The following SMYD3 variants were observed in gnomAD, a reference collection of about 807,000 sequenced individuals.
SMYD3 encodes histone-lysine N-methyltransferase SMYD3.
SMYD3 carries 36 observed loss-of-function variants against 57.7 expected under a neutral mutation model. That is an observed-to-expected ratio of 0.62 (90% CI 0.48 to 0.82). The LOEUF is 0.82. Ranked by LOEUF, SMYD3 falls within the 40% of genes least tolerant of loss-of-function variation. The pLI, the probability that SMYD3 is intolerant of heterozygous loss-of-function variation, is 0.00. For missense variants in SMYD3, 515 were observed against 538.8 expected, an observed-to-expected ratio of 0.96 and a Z score of 0.44; for synonymous variants, 211 against 195.0, an observed-to-expected ratio of 1.08 and a Z score of -0.68.
At chr1:246,112,399 AT>A (rs2061259676) in intron 5 of SMYD3, among the ~76,000 whole-genome samples, 1 of 152,228 alleles carries the variant, frequency 6.6e-6, no homozygotes, top group Non-Finnish European at 1.5e-5. Context: ...TTATAAATCG[AT>A]GTTAAAATTT....
At chr1:246,506,393 C>A (rs1412272056) in intron 1 of SMYD3, among the ~76,000 whole-genome samples, 3 of 152,212 alleles carry the variant, frequency 2.0e-5, no homozygotes. Flanking sequence ...AATGGCACAG[C>A]ACACGGGGGA....
chr1:245,894,404 G>C (rs903673068), intron 8 of SMYD3, among the ~76,000 whole-genome samples: 1 of 152,086 alleles, frequency 6.6e-6, no homozygotes, highest in Non-Finnish European at 1.5e-5. Flanking sequence ...CCAACCAGCA[G>C]CGGAAACCCG....
intron 5 of SMYD3, among the ~76,000 whole-genome samples, chr1:246,240,887 CTGTT>C (rs1439130856): frequency 2.0e-5 from 3 of 151,756 alleles, no homozygotes; most frequent in African/African-American, 7.3e-5. Context: ...ATTTGGCTCT[CTGTT>C]TGTCTGTTAT....
intron 1 of SMYD3, among the ~76,000 whole-genome samples, chr1:246,435,351 G>T (rs2067355449): frequency 6.6e-6 from 1 of 151,968 alleles, no homozygotes; most frequent in Non-Finnish European, 1.5e-5. Flanking sequence ...ATGTGTTTGT[G>T]ATTATCTGAA....
chr1:245,910,558 T>C (rs2054897277), intron 8 of SMYD3, among the ~76,000 whole-genome samples: 1 of 152,038 alleles, frequency 6.6e-6, no homozygotes, highest in South Asian at 2.1e-4. Flanking sequence ...AAAGTAAGCA[T>C]GGTACTAGCA....
intron 5 of SMYD3, among the ~76,000 whole-genome samples, chr1:246,171,853 C>T (rs1016535610): frequency 2.6e-5 from 4 of 152,038 alleles, no homozygotes; most frequent in African/African-American, 9.7e-5. Flanking sequence ...TCTAGAAAAA[C>T]TTAAAAAATT....
At position 246,355,116 on chromosome 1, in the gene SMYD3, C is replaced by G; in HGVS notation, c.165-22G>C. On this transcript the variant is annotated intron_variant, in intron 1 of 11. Transcript: ENST00000490107. The surrounding 1 kb of genome is among the most constrained non-coding windows in gnomAD (Gnocchi z 5.0). Reference sequence around the variant, plus strand: ...CTTCCTGTGGGGAAAAAAATTAATTCTGCATTAAGAAATGAGTGGGAAACA... The same window carrying G: ...CTTCCTGTGGGGAAAAAAATTAATTGTGCATTAAGAAATGAGTGGGAAACA... 6 of 1,612,758 alleles carry G rather than the reference C, an allele frequency of 3.7e-6. No homozygotes were observed. In the African/African-American group the frequency reaches 6.7e-5, roughly 18 times the overall value.
At chr1:245,904,265 T>G (rs2054398547) in intron 8 of SMYD3, among the ~76,000 whole-genome samples, 1 of 152,172 alleles carries the variant, frequency 6.6e-6, no homozygotes, top group Non-Finnish European at 1.5e-5. Flanking sequence ...GCTCTTCGTT[T>G]TCTCTCTCAT....
chr1:246,437,224 A>T (rs2067393695), intron 1 of SMYD3, among the ~76,000 whole-genome samples: 1 of 152,100 alleles, frequency 6.6e-6, no homozygotes, highest in African/African-American at 2.4e-5. Context: ...AGAGACAAAG[A>T]ATGCTTTCTC....
chr1:246,362,461 CTCCACGGTCTCCCTCTCCCTCTCTT>C (rs1205965267), intron 1 of SMYD3, among the ~76,000 whole-genome samples: 4 of 10,032 alleles, frequency 4.0e-4, no homozygotes, highest in African/African-American at 8.6e-4. Flanking sequence ...CCCTCTCCCT[CTCCACGGTCTCCCTCTCCCTCTCTT>C]TCCACGGTCT....
intron 5 of SMYD3, among the ~76,000 whole-genome samples, chr1:246,061,545 C>T (rs1256956331): frequency 6.6e-6 from 1 of 151,572 alleles, no homozygotes; most frequent in African/African-American, 2.4e-5. Context: ...CAGCAAGACG[C>T]CATCTCTACT....
chr1:245,836,248 C>T (rs763627784), intron 10 of SMYD3, among the ~76,000 whole-genome samples: 1 of 152,188 alleles, frequency 6.6e-6, no homozygotes, highest in Non-Finnish European at 1.5e-5. Context: ...TGCTATGATA[C>T]AGTCCAAGAC....
chr1:246,436,053 T>C (rs964770126), intron 1 of SMYD3, among the ~76,000 whole-genome samples: 2 of 152,130 alleles, frequency 1.3e-5, no homozygotes, highest in African/African-American at 4.8e-5. Flanking sequence ...GGTGGCAAGT[T>C]TTTTTAAAAT....
At chr1:246,482,496 T>A (rs909050768) in intron 1 of SMYD3, among the ~76,000 whole-genome samples, 7 of 152,152 alleles carry the variant, frequency 4.6e-5, no homozygotes, top group Admixed American at 3.3e-4. Flanking sequence ...AGCCACTCTG[T>A]CGCCTTTCCT....
rs546167070 is a variant in SMYD3, at chr1:246,455,556, A to T, written c.164+51498T>A. On this transcript the variant is annotated intron_variant, in intron 1 of 11. Coordinates refer to ENST00000490107, the MANE Select transcript of SMYD3 (RefSeq NM_001167740.2). The stretch of plus-strand genomic sequence containing the variant: ...AGCTTTAGGGACACTGAGCCTCCAA[A>T]TGCTATAGAAAAGCCAGATACTATA... Among the ~76,000 whole-genome samples, 68 of 152,336 alleles carry T rather than the reference A, an allele frequency of 4.5e-4. No individual in the cohort carries two copies. In the South Asian group the frequency reaches 0.014, roughly 31 times the overall value.
intron 2 of SMYD3, among the ~76,000 whole-genome samples, chr1:246,342,714 A>T (rs1351219247): frequency 6.6e-6 from 1 of 152,204 alleles, no homozygotes; most frequent in African/African-American, 2.4e-5. Flanking sequence ...AGAGCTAAAT[A>T]TAAAGAAGGA....
intron 5 of SMYD3, among the ~76,000 whole-genome samples, chr1:246,015,008 T>A (rs556400459): frequency 6.6e-6 from 1 of 152,218 alleles, no homozygotes; most frequent in Admixed American, 6.5e-5. Context: ...CTGAACAGAC[T>A]CCTATCTGCT....
intron 5 of SMYD3, among the ~76,000 whole-genome samples, chr1:246,149,315 A>C (rs1253685308): frequency 6.6e-6 from 1 of 152,184 alleles, no homozygotes; most frequent in Non-Finnish European, 1.5e-5. Flanking sequence ...CTCGACTTAG[A>C]ATTTAGGATT....
intron 5 of SMYD3, among the ~76,000 whole-genome samples, chr1:246,307,011 CT>C (rs1313805376): frequency 6.6e-6 from 1 of 151,956 alleles, no homozygotes; most frequent in Admixed American, 6.6e-5. Flanking sequence ...AACAACTCAG[CT>C]TTTCATTCAG....
Sources: gnomAD v4.1 joint callset for allele counts (sites outside exome capture counted in the v4.1 genomes callset) on GRCh38, gnomAD v4.1.1 for gene constraint, Gnocchi (gnomAD v3.1) non-coding constraint, MANE v1.5 for transcripts, NCBI Gene and HGNC (gene_info 2026-07-23, HGNC 2026-07-21) for gene names.